Variants in OTOP3 observed in about 807,000 individuals in gnomAD.
The protein encoded by OTOP3 is otopetrin 3, also known as proton channel OTOP3.
Under a neutral mutation model 50.8 loss-of-function variants are expected in OTOP3, and 41 were observed. The ratio of observed to expected loss-of-function variants is 0.81; its 90% CI spans 0.63 to 1.05. OTOP3 has a LOEUF of 1.05. Ranked by LOEUF, OTOP3 falls within the 50% of genes least tolerant of loss-of-function variation. The probability of loss-of-function intolerance (pLI) is 0.00; values close to 1 mark genes in which losing one functional copy is unlikely to be tolerated. For synonymous variants in OTOP3, 320 were observed against 324.4 expected (o/e 0.99, Z 0.14); for missense variants, 788 against 760.8 (o/e 1.04, Z -0.42).
chr17:74,942,927 A>T (rs535888569), intron 3 of OTOP3, among the ~76,000 whole-genome samples: 1 of 152,226 alleles, frequency 6.6e-6, no homozygotes. Flanking sequence ...CCTGGGCGAC[A>T]GAGCGAGACT....
chr17:74,946,572 T>C (rs2039225823), intron 5 of OTOP3, 89 bp from the exon 6 acceptor site: 6 of 1,190,520 alleles, frequency 5.0e-6, no homozygotes, highest in Non-Finnish European at 7.1e-6. Flanking sequence ...TCTAGTGTAT[T>C]CCAGGGAATG....
chr17:74,943,613 C>G lies in OTOP3; in HGVS notation c.640C>G (p.Leu214Val), dbSNP rs370811633. The change falls in exon 5 of 7, where the codon CTG becomes GTG. Residue 214 changes from leucine to valine, a missense_variant. By Grantham distance (32) the Leu-to-Val change is conservative. Coordinates refer to ENST00000328801, the MANE Select transcript of OTOP3 (RefSeq NM_001272005.2). ...GTGTGGCATTTCCCCCAGGTGTGGC[C>G]TGATGCTGACCCTGGCCACAAACCT... ...RVQTNFTRCG[L>V]MLTLATNLLL... is the part of the protein sequence containing the mutation. The G allele has an allele frequency of 5.0e-6, 8 of 1,613,678 alleles. No homozygotes were observed. The African/African-American group carries it at 1.1e-4, about 22-fold the overall frequency.
intron 1 of OTOP3, 36 bp downstream of exon 1, chr17:74,935,976 G>A (rs939307999): frequency 1.0e-5 from 16 of 1,538,498 alleles, no homozygotes; most frequent in Non-Finnish European, 1.3e-5. Context: ...TTCCCAGCTT[G>A]CGCACCCCAG....
chr17:74,936,346 A>C (rs1241745014), intron 1 of OTOP3, among the ~76,000 whole-genome samples: 1 of 151,954 alleles, frequency 6.6e-6, no homozygotes, highest in African/African-American at 2.4e-5. Flanking sequence ...GGGCGCCCGC[A>C]CTCAGCAGCC....
Position 74,946,893 on chromosome 17 carries a change from G to A in OTOP3, c.984G>A (p.Leu328=), listed in dbSNP as rs2144788594. 1 of 1,611,412 alleles carries A rather than the reference G, an allele frequency of 6.2e-7. No individual in the cohort carries two copies. The highest frequency in any genetic ancestry group is 8.5e-7 in the Non-Finnish European group (1 of 1,179,752). ...TCTTCGGGCCGCTGCTGGGCCTGCT[G>A]GTGCTGCTGGCAGGTGTGTGCGTCT... ...GAIFGPLLGL[L]VLLAGVCVFV... Residue 328 remains leucine (L), a synonymous_variant, in exon 6 of 7, where the codon CTG becomes CTA. Coordinates refer to ENST00000328801, the MANE Select transcript of OTOP3 (RefSeq NM_001272005.2).
At position 74,941,921 on chromosome 17, in the gene OTOP3, A is replaced by G; in HGVS notation, c.457A>G (p.Ser153Gly). The G allele has an allele frequency of 1.2e-6, 2 of 1,610,700 alleles. No individual in the cohort carries two copies. Among genetic ancestry groups the G allele is most frequent in the Non-Finnish European group, 8.5e-7 (1 of 1,177,886 alleles). ...WVRGSLVLFG[S>G]CTFCLNIFRV... ...GCCAGGTTCCCTAGTGCTCTTCGGC[A>G]GCTGCACCTTCTGCCTCAACATCTT... Residue 153 changes from serine (S) to glycine (G), a missense_variant, in exon 3 of 7, where the codon AGC (serine) becomes GGC (glycine). Physicochemically the swap from Ser to Gly is moderately conservative, Grantham distance 56. Coordinates refer to ENST00000328801, the MANE Select transcript of OTOP3 (RefSeq NM_001272005.2).
intron 1 of OTOP3, among the ~76,000 whole-genome samples, chr17:74,936,905 T>C (rs1040268370): frequency 6.6e-6 from 1 of 151,608 alleles, no homozygotes. Flanking sequence ...TTCGTGCATG[T>C]ATTAAATCAT....
Position 74,940,187 on chromosome 17 carries a change from T to G in OTOP3, c.20-1206T>G, listed in dbSNP as rs527774609. Among the ~76,000 whole-genome samples the G allele has an allele frequency of 6.3e-3, 910 of 144,014 alleles. 11 individuals carry two copies. The highest frequency in any genetic ancestry group is 0.023 in the African/African-American group (873 of 37,794). The allele number at this position is 144,014 out of a possible 152,430, so 94.5% of individuals were successfully genotyped here. On this transcript the variant is annotated intron_variant, in intron 1 of 6. Coordinates refer to ENST00000328801, the MANE Select transcript of OTOP3 (RefSeq NM_001272005.2). ...CGGCTTTTTTGTTTTTTTTTTTTTTTGAAGAGATGGTGTCTTCCTATGTTA... is the reference window on the plus strand; with the variant it reads ...CGGCTTTTTTGTTTTTTTTTTTTTTGGAAGAGATGGTGTCTTCCTATGTTA...
chr17:74,935,859 G>A (rs1448141202), upstream of OTOP3: 4 of 1,534,694 alleles, frequency 2.6e-6, no homozygotes, highest in African/African-American at 1.4e-5. Flanking sequence ...GGCGTCGCGG[G>A]CATCGGTCTC....
chr17:74,948,167 G>T (rs2039247115), intron 6 of OTOP3, among the ~76,000 whole-genome samples: 1 of 152,210 alleles, frequency 6.6e-6, no homozygotes, highest in Non-Finnish European at 1.5e-5. Context: ...ATGAAGTTTT[G>T]ATCTGAGCCT....
At chr17:74,942,247 C>T (rs2039184847) in intron 3 of OTOP3, among the ~76,000 whole-genome samples, 2 of 152,326 alleles carry the variant, frequency 1.3e-5, no homozygotes, top group Admixed American at 6.5e-5. Flanking sequence ...ACCGTGTCAC[C>T]GAATGTAGAC....
chr17:74,941,464 C>T lies in OTOP3; in HGVS notation c.91C>T (p.Arg31Ter), dbSNP rs201424456. 1.0e-5 allele frequency: 16 copies of T among 1,603,202 alleles called. No homozygotes were observed. In the East Asian group the frequency reaches 1.3e-4, roughly 13 times the overall value. ...ETEAAPEKENRVDVGAEERAA... is the reference protein window; with the variant it reads ...ETEAAPEKEN ...TGAAGCAGCCCCGGAGAAGGAGAAC[C>T]GAGTGGATGTGGGGGCCGAGGAGAG... Residue 31 changes from arginine to a stop codon, truncating the protein, a stop_gained, in exon 2 of 7, where the codon CGA becomes TGA. Coordinates refer to ENST00000328801, the MANE Select transcript of OTOP3 (RefSeq NM_001272005.2). LOFTEE classifies it high-confidence loss of function.
chr17:74,937,617 C>A (rs2039132366), intron 1 of OTOP3, among the ~76,000 whole-genome samples: 1 of 152,140 alleles, frequency 6.6e-6, no homozygotes. Context: ...TCCTCCCCAG[C>A]CAGCCCGGAA....
chr17:74,944,510 G>A (rs146820562), intron 5 of OTOP3, among the ~76,000 whole-genome samples: 2,676 of 152,238 alleles, frequency 0.018, 88 homozygotes, highest in African/African-American at 0.061. Flanking sequence ...TAATCCCAGC[G>A]CTTTGGGAGG....
intron 1 of OTOP3, among the ~76,000 whole-genome samples, chr17:74,940,810 A>G (rs1008230816): frequency 6.6e-6 from 1 of 152,188 alleles, no homozygotes; most frequent in African/African-American, 2.4e-5. Context: ...TAGACCTTTT[A>G]AAAGTAATCA....
chr17:74,949,333 A>G lies in OTOP3; in HGVS notation c.1654A>G (p.Ile552Val), dbSNP rs771278122. ...DFYGYQIWFA[I>V]VNFGLPLGVF... ...CTACGGCTACCAGATATGGTTCGCC[A>G]TCGTCAACTTCGGCCTGCCTCTGGG... The change falls in exon 7 of 7, where the codon ATC becomes GTC. Residue 552 changes from isoleucine (I) to valine (V), a missense_variant. Ile to Val is a conservative substitution (Grantham distance 29). Transcript: ENST00000328801. 3.1e-6 allele frequency: 5 copies of G among 1,613,972 alleles called. No individual in the cohort carries two copies. The highest frequency in any genetic ancestry group is 4.2e-6 in the Non-Finnish European group (5 of 1,180,012).
At chr17:74,945,533 G>A (rs2039217655) in intron 5 of OTOP3, among the ~76,000 whole-genome samples, 1 of 152,094 alleles carries the variant, frequency 6.6e-6, no homozygotes, top group African/African-American at 2.4e-5. Context: ...CTTTTCCTTG[G>A]AACGGGAAGT....
Position 74,949,433 on chromosome 17 carries a change from C to G in OTOP3, c.*17C>G. On this transcript the variant is annotated 3_prime_UTR_variant, in exon 7 of 7. Transcript: ENST00000328801. ...GGGGCCTGAGGCTGCCCACCCCCGG[C>G]AGAACCTCGAAGTGCCAAGGTGGGG... 6.2e-7 allele frequency: 1 copy of G among 1,609,900 alleles called. No homozygotes were observed. Among genetic ancestry groups the G allele is most frequent in the Non-Finnish European group, 8.5e-7 (1 of 1,178,406 alleles).
chr17:74,945,707 G>A (rs923765311), intron 5 of OTOP3, among the ~76,000 whole-genome samples: 4 of 152,182 alleles, frequency 2.6e-5, no homozygotes, highest in Admixed American at 2.0e-4. Context: ...TCACAGCCAC[G>A]GGTTTTCCCT....
Sources: gnomAD v4.1 joint callset for allele counts (sites outside exome capture counted in the v4.1 genomes callset) on GRCh38, gnomAD v4.1.1 for gene constraint, MANE v1.5 for transcripts, NCBI Gene and HGNC (gene_info 2026-07-23, HGNC 2026-07-21) for gene names.